The following MAGI2 variants were observed in gnomAD, a reference collection of about 807,000 sequenced individuals.
MAGI2 encodes the protein membrane associated guanylate kinase, WW and PDZ domain containing 2, also known as membrane-associated guanylate kinase, WW and PDZ domain-containing protein 2.
A neutral mutation model predicts 133.3 loss-of-function variants in MAGI2; 35 were observed. That is an observed-to-expected ratio of 0.26 (90% CI 0.20 to 0.35). The LOEUF (loss-of-function observed/expected upper bound fraction) is 0.35, where lower values mean the gene tolerates loss of function less well. Among genes scored for constraint, MAGI2 ranks in the 10% least tolerant of loss-of-function variants. The pLI, the probability that MAGI2 is intolerant of heterozygous loss-of-function variation, is 1.00. For synonymous variants in MAGI2, 729 were observed against 710.6 expected (o/e 1.03, Z -0.41); for missense variants, 1,636 against 1,863.4 (o/e 0.88, Z 2.25).
At chr7:79,286,447 G>T (rs1836006618) in intron 1 of MAGI2, among the ~76,000 whole-genome samples, 2 of 151,878 alleles carry the variant, frequency 1.3e-5, no homozygotes, top group Admixed American at 6.6e-5. Flanking sequence ...CACACTCCAC[G>T]GCACTTGCTC....
intron 2 of MAGI2, among the ~76,000 whole-genome samples, chr7:78,806,509 ATAT>A: frequency 6.6e-6 from 1 of 152,252 alleles, no homozygotes; most frequent in South Asian, 2.1e-4. Context: ...GAATCACATG[ATAT>A]TATACAATGT....
At chr7:79,161,138 T>C (rs1015978874) in intron 1 of MAGI2, among the ~76,000 whole-genome samples, 3 of 152,066 alleles carry the variant, frequency 2.0e-5, no homozygotes, top group African/African-American at 7.2e-5. Flanking sequence ...AAGGTAGTTG[T>C]AACCCCTTTA....
chr7:78,044,419 G>A (rs1033939748), intron 21 of MAGI2, among the ~76,000 whole-genome samples: 17 of 152,164 alleles, frequency 1.1e-4, no homozygotes, highest in Admixed American at 9.8e-4. Context: ...ACCCACGATG[G>A]CATTAACACA....
At chr7:78,582,626 G>T (rs1412747829) in intron 3 of MAGI2, among the ~76,000 whole-genome samples, 2 of 152,186 alleles carry the variant, frequency 1.3e-5, no homozygotes, top group Non-Finnish European at 2.9e-5. Flanking sequence ...TTGAAAGACA[G>T]CTACCTACCA....
At chr7:79,425,887 A>G (rs2129183055) in intron 1 of MAGI2, among the ~76,000 whole-genome samples, 1 of 152,182 alleles carries the variant, frequency 6.6e-6, no homozygotes, top group East Asian at 1.9e-4. Context: ...CAGATTGTTT[A>G]ACGACAACAA....
At chr7:78,680,474 G>C (rs2151093475) in intron 2 of MAGI2, among the ~76,000 whole-genome samples, 1 of 152,214 alleles carries the variant, frequency 6.6e-6, no homozygotes, top group South Asian at 2.1e-4. Flanking sequence ...AAAAGAACAG[G>C]ATTGAGAAAG....
chr7:79,168,310 C>G (rs1302401347), intron 1 of MAGI2, among the ~76,000 whole-genome samples: 1 of 151,982 alleles, frequency 6.6e-6, no homozygotes, highest in Non-Finnish European at 1.5e-5. Flanking sequence ...TCTTTGCGAC[C>G]TTGCCATTTG....
intron 1 of MAGI2, among the ~76,000 whole-genome samples, chr7:79,328,843 A>G (rs1325686157): frequency 6.6e-6 from 1 of 152,100 alleles, no homozygotes; most frequent in African/African-American, 2.4e-5. Context: ...CGTAATTTCT[A>G]TGTAGTTATA....
intron 20 of MAGI2, among the ~76,000 whole-genome samples, chr7:78,117,164 G>T (rs1408906604): frequency 6.6e-6 from 1 of 151,310 alleles, no homozygotes; most frequent in East Asian, 1.9e-4. Context: ...CAACAAAAAG[G>T]ATTATTCTAT....
intron 7 of MAGI2, among the ~76,000 whole-genome samples, chr7:78,364,097 T>C (rs1213172997): frequency 6.6e-6 from 1 of 152,166 alleles, no homozygotes. Flanking sequence ...GCTACAGGGC[T>C]AGCACACTGT....
chr7:78,731,452 T>G (rs1821361338), intron 2 of MAGI2, among the ~76,000 whole-genome samples: 1 of 152,076 alleles, frequency 6.6e-6, no homozygotes, highest in South Asian at 2.1e-4. Context: ...TTACCAGACA[T>G]TTGAAGGAAG....
chr7:79,101,249 T>C (rs749380089), intron 1 of MAGI2, among the ~76,000 whole-genome samples: 7 of 152,068 alleles, frequency 4.6e-5, no homozygotes, highest in African/African-American at 7.2e-5. Flanking sequence ...AATGCAAAGG[T>C]ACTTATCCTA....
At chr7:78,909,965 A>G (rs1798283746) in intron 2 of MAGI2, among the ~76,000 whole-genome samples, 1 of 152,204 alleles carries the variant, frequency 6.6e-6, no homozygotes, top group African/African-American at 2.4e-5. Flanking sequence ...ATGAAAAGGA[A>G]TGAGATCATG....
In MAGI2 at chr7:78,901,586, T is replaced by C. The variant is rs546007612; in HGVS notation, c.418+105504A>G. 108 of 152,210 alleles carry C rather than the reference T, an allele frequency of 7.1e-4. 1 individual carries two copies. The highest frequency in any genetic ancestry group is 2.4e-3 in the African/African-American group (98 of 41,544). 9.4% of individuals were successfully genotyped at this position (152,210 alleles called of 1,614,324 possible). A position where few individuals can be genotyped will look rare whatever the true frequency, so the allele number is the denominator to read the frequency against. ...GCACTTTGGTTATTTTGGTGTTCAGTGACACCAGAGATGGTGAGAATCATT... is the reference window on the plus strand; with the variant it reads ...GCACTTTGGTTATTTTGGTGTTCAGCGACACCAGAGATGGTGAGAATCATT... On this transcript the variant is annotated intron_variant, in intron 2 of 21. Transcript: ENST00000354212.
At chr7:79,024,276 C>A (rs1470715766) in intron 1 of MAGI2, among the ~76,000 whole-genome samples, 3 of 152,004 alleles carry the variant, frequency 2.0e-5, no homozygotes. Context: ...AACCGACTTG[C>A]CATATGAAGA....
intron 1 of MAGI2, among the ~76,000 whole-genome samples, chr7:79,016,516 T>C (rs1209048010): frequency 2.0e-5 from 3 of 152,148 alleles, no homozygotes; most frequent in Non-Finnish European, 4.4e-5. Context: ...CCTGTCCACC[T>C]ATGCCCTTCT....
chr7:79,295,380 A>G (rs11977156), intron 1 of MAGI2, among the ~76,000 whole-genome samples: 5,333 of 152,254 alleles, frequency 0.035, 129 homozygotes, highest in African/African-American at 0.063. Context: ...TGACTTCAGT[A>G]TAAAATAATC....
intron 3 of MAGI2, among the ~76,000 whole-genome samples, chr7:78,601,761 A>T (rs1282148249): frequency 1.3e-5 from 2 of 152,228 alleles, no homozygotes; most frequent in East Asian, 3.8e-4. Flanking sequence ...AACTTATGAG[A>T]CATAGTAACA....
At chr7:78,942,926 A>T (rs1455950428) in intron 2 of MAGI2, among the ~76,000 whole-genome samples, 1 of 151,794 alleles carries the variant, frequency 6.6e-6, no homozygotes, top group Non-Finnish European at 1.5e-5. Flanking sequence ...TATTGGATTC[A>T]TGGATGAATG....
Sources: gnomAD v4.1 joint callset for allele counts (sites outside exome capture counted in the v4.1 genomes callset) on GRCh38, gnomAD v4.1.1 for gene constraint, MANE v1.5 for transcripts, NCBI Gene and HGNC (gene_info 2026-07-23, HGNC 2026-07-21) for gene names.